The following NRTN variants were observed in gnomAD, a reference collection of about 807,000 sequenced individuals.
The protein encoded by NRTN is neurturin, also known as prepro-neurturin.
In NRTN, 3 loss-of-function variants were observed where a neutral mutation model predicts 7.5. That is an observed-to-expected ratio of 0.40 (90% CI 0.18 to 1.03). The LOEUF (loss-of-function observed/expected upper bound fraction) is 1.03. Among genes scored for constraint, NRTN ranks in the 50% least tolerant of loss-of-function variants. NRTN has a pLI of 0.34. For missense variants in NRTN, 310 were observed against 307.0 expected (o/e 1.01, Z -0.07); for synonymous variants, 157 against 146.6 (o/e 1.07, Z -0.51).
chr19:5,817,892 C>T (rs369055674), intron 1 of NRTN, among the ~76,000 whole-genome samples: 5 of 152,136 alleles, frequency 3.3e-5, no homozygotes, highest in Admixed American at 1.3e-4. Context: ...CTCTGCCTCC[C>T]GGGTTCAAGC....
intron 1 of NRTN, among the ~76,000 whole-genome samples, chr19:5,811,155 C>T (rs2056989539): frequency 6.6e-6 from 1 of 152,094 alleles, no homozygotes; most frequent in Admixed American, 6.6e-5. Context: ...AGGAGAACCG[C>T]TTGAACCCCA....
intron 2 of NRTN, 138 bp from the exon 3 acceptor site, chr19:5,827,611 T>G: frequency 3.4e-6 from 1 of 295,502 alleles, no homozygotes; most frequent in Non-Finnish European, 5.4e-6. Flanking sequence ...ATTTGGGACC[T>G]GGGAGTGAGA....
At chr19:5,820,139 G>A (rs1447453085) in intron 1 of NRTN, among the ~76,000 whole-genome samples, 2 of 148,030 alleles carry the variant, frequency 1.4e-5, no homozygotes, top group Non-Finnish European at 2.9e-5. Context: ...GGTGGCAGAC[G>A]CCTGTAGTCC....
intron 1 of NRTN, among the ~76,000 whole-genome samples, chr19:5,809,056 A>G (rs1031436122): frequency 6.7e-6 from 1 of 149,970 alleles, no homozygotes; most frequent in African/African-American, 2.5e-5. Context: ...CGCCCGTCCA[A>G]TGGTGGCATC....
intron 1 of NRTN, among the ~76,000 whole-genome samples, chr19:5,819,151 G>C (rs573334305): frequency 7.2e-5 from 11 of 152,348 alleles, no homozygotes; most frequent in African/African-American, 2.4e-4. Context: ...CCTACCACCA[G>C]CATTCAAATG....
Position 5,828,047 on chromosome 19 carries a change from G to A in NRTN, c.468G>A (p.Arg156=). 1.4e-6 allele frequency: 2 copies of A among 1,414,034 alleles called. No individual in the cohort carries two copies. Among genetic ancestry groups the A allele is most frequent in the South Asian group, 3.0e-5 (2 of 65,924 alleles). 87.6% of individuals were successfully genotyped at this position (1,414,034 alleles called of 1,614,324 possible). Reference sequence around the variant, plus strand: ...TGCGCCAGCGGCGGCGCCTGCGGCGGGAGCGGGTGCGCGCGCAGCCCTGCT... The same window carrying A: ...TGCGCCAGCGGCGGCGCCTGCGGCGAGAGCGGGTGCGCGCGCAGCCCTGCT... ...RRLRQRRRLR[R]ERVRAQPCCR... Residue 156 remains arginine, a synonymous_variant, in exon 3 of 3, where the codon CGG becomes CGA. Coordinates refer to ENST00000303212, the MANE Select transcript of NRTN (RefSeq NM_004558.5).
chr19:5,812,448 C>T (rs1229191430), intron 1 of NRTN, among the ~76,000 whole-genome samples: 5 of 152,294 alleles, frequency 3.3e-5, no homozygotes, highest in South Asian at 2.1e-4. Flanking sequence ...CTGGAAGGGG[C>T]GGCTGGGGGT....
At chr19:5,817,722 TGA>T in intron 1 of NRTN, among the ~76,000 whole-genome samples, 1 of 152,250 alleles carries the variant, frequency 6.6e-6, no homozygotes, top group East Asian at 1.9e-4. Flanking sequence ...CAAGTGTGTG[TGA>T]GTGTGAGGAC....
chr19:5,827,673 T>C, intron 2 of NRTN, 76 bp from the exon 3 acceptor site: 1 of 632,466 alleles, frequency 1.6e-6, no homozygotes, highest in Non-Finnish European at 2.0e-6. Flanking sequence ...TTTGCAGGGG[T>C]ACAGAGAGGG....
chr19:5,826,091 C>T (rs1359708946), intron 2 of NRTN, among the ~76,000 whole-genome samples: 2 of 151,618 alleles, frequency 1.3e-5, no homozygotes, highest in African/African-American at 4.9e-5. Flanking sequence ...GCCGAGATCG[C>T]GCCACTGCAC....
rs542571854 is a variant in NRTN at position 5,813,091 on chromosome 19, G to A, written c.-399+7640G>A. On this transcript the variant is annotated intron_variant, in intron 1 of 2. Coordinates refer to ENST00000303212, the MANE Select transcript of NRTN (RefSeq NM_004558.5). Reference sequence around the variant, plus strand: ...ACCCTTCGTGCCCTATTGAAGATGGGAGGCCAGGCATGGTGGCTCACACCT... The same window carrying A: ...ACCCTTCGTGCCCTATTGAAGATGGAAGGCCAGGCATGGTGGCTCACACCT... 2.9e-4 allele frequency among the ~76,000 whole-genome samples: 44 copies of A among 152,274 alleles called. No homozygotes were observed. The South Asian group carries it at 6.8e-3, about 24-fold the overall frequency.
chr19:5,824,030 T>G lies in NRTN; in HGVS notation c.-136T>G. The G allele has an allele frequency of 5.3e-6, 6 of 1,133,094 alleles. No individual in the cohort carries two copies. Among genetic ancestry groups the G allele is most frequent in the Non-Finnish European group, 7.7e-6 (6 of 775,010 alleles). 70.2% of individuals were successfully genotyped at this position (1,133,094 alleles called of 1,614,324 possible). Reference sequence around the variant, plus strand: ...ATGGTTCCTTGAGGGACCATTCCCATGTGATTATCGACCATTCGGCAGGCG... The same window carrying G: ...ATGGTTCCTTGAGGGACCATTCCCAGGTGATTATCGACCATTCGGCAGGCG... On this transcript the variant is annotated 5_prime_UTR_variant, in exon 2 of 3. It removes an upstream start codon present in the reference 5' UTR. Coordinates refer to ENST00000303212, the MANE Select transcript of NRTN (RefSeq NM_004558.5).
intron 1 of NRTN, among the ~76,000 whole-genome samples, chr19:5,823,131 A>T (rs985541523): frequency 6.6e-6 from 1 of 150,714 alleles, no homozygotes; most frequent in African/African-American, 2.4e-5. Flanking sequence ...AAAGAGAGAG[A>T]GGAGGCTGGG....
rs2056975765 is a variant in NRTN, at chr19:5,806,592, C to A, written c.-399+1141C>A. ...CCCACACTGCCAGCTTCTCCCACCC[C>A]CAGCTTCTTGCCTTGGGGCCCTTTG... On this transcript the variant is annotated intron_variant, in intron 1 of 2. Transcript: ENST00000303212. The surrounding 1 kb of genome is among the most constrained non-coding windows in gnomAD (Gnocchi z 5.4). Among the ~76,000 whole-genome samples the A allele has an allele frequency of 6.6e-6, 1 of 152,162 alleles. No homozygotes were observed. The highest frequency in any genetic ancestry group is 2.4e-5 in the African/African-American group (1 of 41,432).
intron 2 of NRTN, among the ~76,000 whole-genome samples, chr19:5,825,455 CCT>C (rs2057042646): frequency 1.3e-5 from 2 of 152,256 alleles, no homozygotes; most frequent in Non-Finnish European, 1.5e-5. Context: ...CCCACACAAT[CCT>C]CTTTTCTTGT....
At chr19:5,808,456 G>A (rs1470521926) in intron 1 of NRTN, among the ~76,000 whole-genome samples, 3 of 152,146 alleles carry the variant, frequency 2.0e-5, no homozygotes, top group East Asian at 1.9e-4. Context: ...ACAGAGGGCC[G>A]GGGCCAGAAA....
intron 2 of NRTN, among the ~76,000 whole-genome samples, 192 bp from the exon 3 acceptor site, chr19:5,827,557 C>T (rs975349536): frequency 1.3e-5 from 2 of 151,190 alleles, no homozygotes; most frequent in Non-Finnish European, 3.0e-5. Context: ...CCCCCAGTGC[C>T]GCCCAGAGAG....
At chr19:5,807,623 A>G (rs530792895) in intron 1 of NRTN, among the ~76,000 whole-genome samples, 106 of 152,342 alleles carry the variant, frequency 7.0e-4, no homozygotes, top group Non-Finnish European at 1.3e-3. Flanking sequence ...TCCAAATGAA[A>G]TCAGGCTTCA....
chr19:5,817,719 G>A (rs753164777), intron 1 of NRTN, among the ~76,000 whole-genome samples: 2 of 152,164 alleles, frequency 1.3e-5, no homozygotes, highest in African/African-American at 4.8e-5. Flanking sequence ...GTCCAAGTGT[G>A]TGTGAGTGTG....
Sources: gnomAD v4.1 joint callset for allele counts (sites outside exome capture counted in the v4.1 genomes callset) on GRCh38, gnomAD v4.1.1 for gene constraint, Gnocchi (gnomAD v3.1) non-coding constraint, MANE v1.5 for transcripts, NCBI Gene and HGNC (gene_info 2026-07-23, HGNC 2026-07-21) for gene names.